MYO3B: variants seen among roughly 807,000 people sequenced by gnomAD.
MYO3B encodes the protein myosin IIIB, also known as myosin-IIIb.
In MYO3B, 156 loss-of-function variants were observed where a neutral mutation model predicts 174.6. That is an observed-to-expected ratio of 0.89 (90% confidence interval 0.78 to 1.02). The LOEUF (loss-of-function observed/expected upper bound fraction) is 1.02. Ranked by LOEUF, MYO3B falls within the 50% of genes least tolerant of loss-of-function variation. The probability of loss-of-function intolerance (pLI) is 0.00; values close to 1 mark genes in which losing one functional copy is unlikely to be tolerated. For synonymous variants in MYO3B, 563 were observed against 569.1 expected (o/e 0.99, Z 0.15); for missense variants, 1,632 against 1,639.4 (o/e 1.00, Z 0.08).
At chr2:170,601,855 A>G in intron 32 of MYO3B, 1 of 908,832 alleles carries the variant, frequency 1.1e-6, no homozygotes, top group African/African-American at 1.7e-5. Context: ...TTTCTTTGCA[A>G]CATCGCTAAT....
intron 32 of MYO3B, among the ~76,000 whole-genome samples, chr2:170,572,652 A>G (rs1692518309): frequency 6.6e-6 from 1 of 151,710 alleles, no homozygotes; most frequent in African/African-American, 2.4e-5. Context: ...CCTCCCACCA[A>G]CAGCATATGC....
intron 32 of MYO3B, among the ~76,000 whole-genome samples, chr2:170,613,142 C>T (rs11883768): frequency 0.028 from 4,285 of 152,266 alleles, 189 homozygotes; most frequent in African/African-American, 0.097. Context: ...ACAAACTATT[C>T]TGTGTACCAA....
chr2:170,215,897 G>A (rs909777316), intron 5 of MYO3B, among the ~76,000 whole-genome samples: 1 of 152,170 alleles, frequency 6.6e-6, no homozygotes, highest in Non-Finnish European at 1.5e-5. Flanking sequence ...TGATACTGAT[G>A]TATTCACTCA....
chr2:170,423,536 G>A (rs1428759890), intron 22 of MYO3B, among the ~76,000 whole-genome samples: 1 of 150,836 alleles, frequency 6.6e-6, no homozygotes, highest in African/African-American at 2.4e-5. Context: ...TTATCTCCCA[G>A]TGTGTAAGAG....
chr2:170,580,155 G>A (rs1693037599), intron 32 of MYO3B, among the ~76,000 whole-genome samples: 1 of 152,058 alleles, frequency 6.6e-6, no homozygotes, highest in Non-Finnish European at 1.5e-5. Context: ...TATTATCAAG[G>A]TATGTCTAAT....
chr2:170,450,439 G>A (rs1361949521), intron 23 of MYO3B, among the ~76,000 whole-genome samples: 1 of 152,108 alleles, frequency 6.6e-6, no homozygotes, highest in Non-Finnish European at 1.5e-5. Flanking sequence ...TAGCCAAAAT[G>A]ATAACCCAGA....
At chr2:170,391,476 G>T (rs2094411201) in intron 14 of MYO3B, 44 bp from the exon 15 acceptor site, 1 of 941,820 alleles carries the variant, frequency 1.1e-6, no homozygotes, top group Non-Finnish European at 1.6e-6. Flanking sequence ...ACTTGGGATG[G>T]GGAAGCCAGA....
chr2:170,501,114 G>A (rs1687243389), intron 27 of MYO3B, among the ~76,000 whole-genome samples: 1 of 152,060 alleles, frequency 6.6e-6, no homozygotes, highest in African/African-American at 2.4e-5. Flanking sequence ...CTCCTCGTGG[G>A]TGGCTTAATG....
In MYO3B at chr2:170,395,645, G is replaced by A. The variant is rs565830889; in HGVS notation, c.1791+3150G>A. The stretch of plus-strand genomic sequence containing the variant: ...ACTTTTAAGATGACAAAAGTTGTGA[G>A]CCTCTGCAAAGGAGACCGAGAAGTG... On this transcript the variant is annotated intron_variant, in intron 16 of 34. Coordinates refer to ENST00000408978, the MANE Select transcript of MYO3B (RefSeq NM_138995.5). Among the ~76,000 whole-genome samples, 20 of 152,284 alleles carry A rather than the reference G, an allele frequency of 1.3e-4. No individual in the cohort carries two copies. The South Asian group carries it at 4.1e-3, about 32-fold the overall frequency.
intron 25 of MYO3B, among the ~76,000 whole-genome samples, chr2:170,469,919 A>C (rs1166490098): frequency 6.6e-6 from 1 of 151,866 alleles, no homozygotes; most frequent in Non-Finnish European, 1.5e-5. Context: ...CCTGACCAAC[A>C]TGGAGAAACC....
rs115298425 is a variant in MYO3B at position 170,537,315 on chromosome 2, C to T, written c.3576-5591C>T. 5.7e-3 allele frequency among the ~76,000 whole-genome samples: 869 copies of T among 151,802 alleles called. 2 individuals are homozygous for T. Among genetic ancestry groups the T allele is most frequent in the African/African-American group, 0.019 (794 of 41,392 alleles). ...AGTGAGCCATGATCTCACCACTGTA[C>T]TCCATCCTGGGTGACAGAGTTAGAC... is the stretch of plus-strand genomic sequence containing the variant. On this transcript the variant is annotated intron_variant, in intron 30 of 34. Coordinates refer to ENST00000408978, the MANE Select transcript of MYO3B (RefSeq NM_138995.5).
chr2:170,651,662 A>T lies in MYO3B; in HGVS notation c.3768A>T (p.Thr1256=). The change falls in exon 33 of 35, where the codon ACA becomes ACT. Residue 1256 remains threonine (T), a synonymous_variant. Coordinates refer to ENST00000408978, the MANE Select transcript of MYO3B (RefSeq NM_138995.5). Reference sequence around the variant, plus strand: ...ATGGTCTTGCACAGAAGCATCGAACACCTCGCCGACGATGTCAGCAGCCCA... The same window carrying T: ...ATGGTCTTGCACAGAAGCATCGAACTCCTCGCCGACGATGTCAGCAGCCCA... ...SENGLAQKHR[T]PRRRCQQPKM... is the part of the protein sequence containing the mutation. 3 of 1,614,078 alleles carry T rather than the reference A, an allele frequency of 1.9e-6. No homozygotes were observed. The highest frequency in any genetic ancestry group is 2.5e-6 in the Non-Finnish European group (3 of 1,180,016).
intron 5 of MYO3B, among the ~76,000 whole-genome samples, chr2:170,216,825 G>C (rs1458423769): frequency 6.6e-6 from 1 of 152,018 alleles, no homozygotes; most frequent in East Asian, 1.9e-4. Context: ...ATTTTGGATT[G>C]ATCCTAGTTG....
At chr2:170,290,985 C>A (rs188399639) in intron 7 of MYO3B, among the ~76,000 whole-genome samples, 1 of 152,242 alleles carries the variant, frequency 6.6e-6, no homozygotes, top group African/African-American at 2.4e-5. Flanking sequence ...TATAGTGGCT[C>A]ATGCCTGTAA....
chr2:170,613,754 G>C (rs751319579), intron 32 of MYO3B, among the ~76,000 whole-genome samples: 4 of 152,134 alleles, frequency 2.6e-5, no homozygotes, highest in African/African-American at 9.7e-5. Context: ...AAAGCAGGCA[G>C]AAAAATGTGA....
chr2:170,324,440 G>T (rs1169620495), intron 7 of MYO3B, among the ~76,000 whole-genome samples: 1 of 152,140 alleles, frequency 6.6e-6, no homozygotes, highest in Non-Finnish European at 1.5e-5. Flanking sequence ...AGGGGAAGAG[G>T]GTTTCTATAA....
chr2:170,512,938 T>G (rs1688073615), intron 28 of MYO3B, among the ~76,000 whole-genome samples: 1 of 152,192 alleles, frequency 6.6e-6, no homozygotes, highest in South Asian at 2.1e-4. Flanking sequence ...GGGAATAAAG[T>G]AGTCGCTCTC....
intron 7 of MYO3B, among the ~76,000 whole-genome samples, chr2:170,275,528 A>C (rs377112470): frequency 6.6e-6 from 1 of 152,156 alleles, no homozygotes. Context: ...TTTTTGAGAG[A>C]TGAATCTAGG....
intron 7 of MYO3B, among the ~76,000 whole-genome samples, chr2:170,316,278 A>G (rs140451635): frequency 4.9e-4 from 74 of 152,362 alleles, no homozygotes; most frequent in Middle Eastern, 6.8e-3. Context: ...AGATATAACA[A>G]TTTACTGAAT....
Sources: allele counts gnomAD v4.1 joint callset (sites outside exome capture counted in the v4.1 genomes callset), GRCh38; gene constraint gnomAD v4.1.1; transcripts MANE v1.5; gene names NCBI Gene and HGNC (gene_info 2026-07-23, HGNC 2026-07-21).